DLGAP1: variants seen among roughly 807,000 people sequenced by gnomAD.
DLGAP1 encodes the protein disks large-associated protein 1.
Under a neutral mutation model 90.8 loss-of-function variants are expected in DLGAP1, and 11 were observed. That is an observed-to-expected ratio of 0.12 (90% CI 0.08 to 0.20). The LOEUF is 0.20. DLGAP1 is among the 10% of genes least tolerant of loss of function. The pLI is 1.00. For missense variants in DLGAP1, 1,050 were observed against 1,333.8 expected, an observed-to-expected ratio of 0.79 and a Z score of 3.31; for synonymous variants, 558 against 540.7, an observed-to-expected ratio of 1.03 and a Z score of -0.44.
In DLGAP1 at chr18:3,567,227, T is replaced by C. The variant is rs57306495; in HGVS notation, c.2057+263A>G. ...ATTTTTTTTGTTTTCAGAGGTATAG[T>C]TTGGCAACCCAAGAGTACTGCACAC... On this transcript the variant is annotated intron_variant, in intron 9 of 12. Transcript: ENST00000315677. Among the ~76,000 whole-genome samples the C allele has an allele frequency of 3.4e-3, 519 of 152,254 alleles. 2 individuals are homozygous for C. Among genetic ancestry groups the C allele is most frequent in the African/African-American group, 0.012 (506 of 41,528 alleles).
chr18:4,171,224 C>T (rs1233745566), intron 1 of DLGAP1, among the ~76,000 whole-genome samples: 2 of 151,970 alleles, frequency 1.3e-5, no homozygotes, highest in South Asian at 2.1e-4. Context: ...TGCATAAGGC[C>T]TCTTTAATTG....
At chr18:4,450,166 C>T (rs910665097) in intron 1 of DLGAP1, among the ~76,000 whole-genome samples, 6 of 152,112 alleles carry the variant, frequency 3.9e-5, no homozygotes, top group African/African-American at 1.2e-4. Context: ...ATCAAAATGC[C>T]ATTTTCCTCT....
In DLGAP1 at chr18:4,113,896, A is replaced by G. The variant is rs376861893; in HGVS notation, c.-159+37284T>C. Among the ~76,000 whole-genome samples, 15 of 151,944 alleles carry G rather than the reference A, an allele frequency of 9.9e-5. 2 individuals are homozygous for G. The highest frequency in any genetic ancestry group is 6.6e-5 in the Admixed American group (1 of 15,264). Reference sequence around the variant, plus strand: ...CTTTTCCCACTGCTTATTTTTATTGACTTTGTCAAAGATCAGATGTCTGTA... The same window carrying G: ...CTTTTCCCACTGCTTATTTTTATTGGCTTTGTCAAAGATCAGATGTCTGTA... On this transcript the variant is annotated intron_variant, in intron 2 of 12. Coordinates refer to ENST00000315677, the MANE Select transcript of DLGAP1 (RefSeq NM_004746.4).
intron 7 of DLGAP1, among the ~76,000 whole-genome samples, chr18:3,706,172 AT>A (rs1046473147): frequency 2.0e-5 from 3 of 150,932 alleles, no homozygotes; most frequent in African/African-American, 7.3e-5. Context: ...AACTTTTTGT[AT>A]TTTTAGTAGA....
chr18:4,337,129 G>GA (rs377398210), intron 1 of DLGAP1, among the ~76,000 whole-genome samples: 368 of 61,354 alleles, frequency 6.0e-3, no homozygotes, highest in African/African-American at 0.011. Context: ...AAAGAAAAAA[G>GA]AAAAAAAAAA....
intron 1 of DLGAP1, among the ~76,000 whole-genome samples, chr18:4,206,110 T>C (rs2144848206): frequency 6.6e-6 from 1 of 152,274 alleles, no homozygotes; most frequent in East Asian, 1.9e-4. Flanking sequence ...GAGGAAATTA[T>C]AGTGGACTGG....
chr18:3,538,660 A>G (rs892762810), intron 9 of DLGAP1, among the ~76,000 whole-genome samples: 3 of 152,230 alleles, frequency 2.0e-5, no homozygotes, highest in Non-Finnish European at 2.9e-5. Flanking sequence ...TTCTGCTAAC[A>G]TGAAATCCCA....
At position 3,720,888 on chromosome 18, in the gene DLGAP1, C is replaced by CCAAAAAAAAAAAA. The variant is rs1441095000; in HGVS notation, c.1591+8246_1591+8247insTTTTTTTTTTTTG. ...GCAACATACTAAGACCTTGTCTCTA[C>CCAAAAAAAAAAAA]AAAAAAAAAAAAAAAAAAAAATTAG... On this transcript the variant is annotated intron_variant, in intron 7 of 12. Transcript: ENST00000315677. Among the ~76,000 whole-genome samples, 265 of 50,306 alleles carry CCAAAAAAAAAAAA rather than the reference C, an allele frequency of 5.3e-3. 29 individuals are homozygous for CCAAAAAAAAAAAA. Among genetic ancestry groups the CCAAAAAAAAAAAA allele is most frequent in the African/African-American group, 0.02 (251 of 12,488 alleles). The allele number at this position is 50,306 out of a possible 152,430, so 33.0% of individuals were successfully genotyped here.
At chr18:3,714,099 A>G (rs527958827) in intron 7 of DLGAP1, among the ~76,000 whole-genome samples, 1 of 152,336 alleles carries the variant, frequency 6.6e-6, no homozygotes, top group East Asian at 1.9e-4. Context: ...TCTAAGCACC[A>G]CAAGTTTCTT....
In DLGAP1 at chr18:4,187,257, T is replaced by C. The variant is rs139400617; in HGVS notation, c.-266-35970A>G. Reference sequence around the variant, plus strand: ...GATGCCCTTTATTTCTCTTGTCTGATTGTTCTGGCCAGGACTTCCAATACT... The same window carrying C: ...GATGCCCTTTATTTCTCTTGTCTGACTGTTCTGGCCAGGACTTCCAATACT... On this transcript the variant is annotated intron_variant, in intron 1 of 12. Transcript: ENST00000315677. Among the ~76,000 whole-genome samples, 152 of 152,228 alleles carry C rather than the reference T, an allele frequency of 1.0e-3. 2 individuals carry two copies. The East Asian group carries it at 0.025, about 25-fold the overall frequency.
At chr18:4,151,079 C>A (rs989081267) in intron 2 of DLGAP1, 101 bp downstream of exon 2, 1 of 152,034 alleles carries the variant, frequency 6.6e-6, no homozygotes, top group Non-Finnish European at 1.5e-5. Flanking sequence ...TTCAAATATA[C>A]CATGCTATTA....
In DLGAP1 at chr18:3,649,431, T is replaced by C. The variant is rs549094762; in HGVS notation, c.1592-67183A>G. On this transcript the variant is annotated intron_variant, in intron 7 of 12. Coordinates refer to ENST00000315677, the MANE Select transcript of DLGAP1 (RefSeq NM_004746.4). ...GCAAGGATTTATAAACTGGCTCTGT[T>C]TGTGGCTTTGCCGAAAATGAAACTC... Among the ~76,000 whole-genome samples the C allele has an allele frequency of 4.7e-4, 71 of 152,220 alleles. 1 individual carries two copies. The highest frequency in any genetic ancestry group is 8.8e-4 in the Non-Finnish European group (60 of 68,042).
intron 1 of DLGAP1, among the ~76,000 whole-genome samples, chr18:4,290,673 A>T (rs1484782553): frequency 6.6e-6 from 1 of 152,202 alleles, no homozygotes. Flanking sequence ...ATAACAGTAA[A>T]ACAAGAAAAG....
intron 4 of DLGAP1, among the ~76,000 whole-genome samples, chr18:3,863,650 C>T (rs961284857): frequency 6.6e-6 from 1 of 152,198 alleles, no homozygotes. Context: ...GGTACTGATG[C>T]TGAGTGCATG....
Position 3,838,911 on chromosome 18 carries a change from G to A in DLGAP1, c.958-24638C>T, listed in dbSNP as rs115154026. Among the ~76,000 whole-genome samples the A allele has an allele frequency of 8.4e-3, 1,284 of 151,956 alleles. 22 individuals are homozygous for A. The highest frequency in any genetic ancestry group is 0.029 in the African/African-American group (1,204 of 41,394). ...GGTATTTTGTTATTCTCCTTTCATA[G>A]CCTGCTTTGGTTAAAAAAAAATCAT... is the stretch of plus-strand genomic sequence containing the variant. On this transcript the variant is annotated intron_variant, in intron 4 of 12. Coordinates refer to ENST00000315677, the MANE Select transcript of DLGAP1 (RefSeq NM_004746.4).
intron 1 of DLGAP1, among the ~76,000 whole-genome samples, chr18:4,208,425 CTT>C (rs908726724): frequency 6.6e-6 from 1 of 152,198 alleles, no homozygotes; most frequent in Non-Finnish European, 1.5e-5. Flanking sequence ...TTAAAACACT[CTT>C]TGAACCAATG....
intron 1 of DLGAP1, among the ~76,000 whole-genome samples, chr18:4,385,954 C>G (rs2082222205): frequency 6.6e-6 from 1 of 152,036 alleles, no homozygotes; most frequent in Admixed American, 6.6e-5. Context: ...TTTTCAAGCA[C>G]AGAAAAGCAC....
At chr18:3,906,636 A>G (rs1408992324) in intron 3 of DLGAP1, among the ~76,000 whole-genome samples, 1 of 152,216 alleles carries the variant, frequency 6.6e-6, no homozygotes, top group Non-Finnish European at 1.5e-5. Context: ...TTTTCTAAAA[A>G]TAAAATGGTA....
chr18:3,996,332 T>C (rs1244271131), intron 3 of DLGAP1, among the ~76,000 whole-genome samples: 4 of 152,124 alleles, frequency 2.6e-5, no homozygotes, highest in Non-Finnish European at 4.4e-5. Flanking sequence ...TAAATTTTCA[T>C]TTCATTTTAA....
Sources: gnomAD v4.1 joint callset for allele counts (sites outside exome capture counted in the v4.1 genomes callset) on GRCh38, gnomAD v4.1.1 for gene constraint, MANE v1.5 for transcripts, NCBI Gene and HGNC (gene_info 2026-07-23, HGNC 2026-07-21) for gene names.